MEIS1: variants seen among roughly 807,000 people sequenced by gnomAD.
MEIS1 encodes homeobox protein Meis1.
Under a neutral mutation model 50.8 loss-of-function variants are expected in MEIS1, and 5 were observed. The observed-to-expected ratio is 0.10, with a 90% CI of 0.05 to 0.21. The LOEUF is 0.21. MEIS1 is among the 10% of genes least tolerant of loss of function. MEIS1 has a pLI of 1.00. For missense variants in MEIS1, 318 were observed against 517.3 expected (o/e 0.61, Z 3.74); for synonymous variants, 176 against 179.3 (o/e 0.98, Z 0.15).
intron 7 of MEIS1, among the ~76,000 whole-genome samples, chr2:66,511,644 T>A: frequency 6.6e-6 from 1 of 152,216 alleles, no homozygotes; most frequent in East Asian, 1.9e-4. Flanking sequence ...ACTGCTTATA[T>A]GATGGATTAC....
intron 9 of MEIS1, among the ~76,000 whole-genome samples, chr2:66,552,995 A>G (rs530368363): frequency 6.6e-6 from 1 of 152,324 alleles, no homozygotes; most frequent in South Asian, 2.1e-4. Context: ...TGTTTTGTCA[A>G]TAAAGTTAAA....
At chr2:66,536,560 C>T (rs1448085164) in intron 8 of MEIS1, among the ~76,000 whole-genome samples, 2 of 152,140 alleles carry the variant, frequency 1.3e-5, no homozygotes, top group Non-Finnish European at 2.9e-5. Context: ...TTGATAAATA[C>T]TGATTTTTTT....
chr2:66,520,226 G>A (rs1674079864), intron 8 of MEIS1, among the ~76,000 whole-genome samples: 1 of 151,938 alleles, frequency 6.6e-6, no homozygotes, highest in South Asian at 2.1e-4. Flanking sequence ...TGTAATCCCA[G>A]CACTTTGGGA....
At chr2:66,466,309 A>G (rs1672633732) in intron 7 of MEIS1, among the ~76,000 whole-genome samples, 1 of 152,210 alleles carries the variant, frequency 6.6e-6, no homozygotes. Flanking sequence ...ACTGTCATCA[A>G]ATAGAAACTT....
At chr2:66,526,870 A>G (rs1354194968) in intron 8 of MEIS1, among the ~76,000 whole-genome samples, 1 of 152,166 alleles carries the variant, frequency 6.6e-6, no homozygotes, top group African/African-American at 2.4e-5. Flanking sequence ...CAATTCATTT[A>G]CTTCTCTCAT....
intron 9 of MEIS1, among the ~76,000 whole-genome samples, chr2:66,554,075 C>T (rs1456986826): frequency 1.3e-5 from 2 of 152,200 alleles, no homozygotes; most frequent in Non-Finnish European, 2.9e-5. Context: ...TAGCTGGAAG[C>T]TGCAATCCAG....
intron 8 of MEIS1, among the ~76,000 whole-genome samples, chr2:66,513,694 G>A (rs1341980141): frequency 6.6e-6 from 1 of 152,088 alleles, no homozygotes; most frequent in Non-Finnish European, 1.5e-5. Flanking sequence ...TCAGGGCTTG[G>A]CTATGCTGGA....
chr2:66,538,442 G>A (rs1455765950), intron 8 of MEIS1, among the ~76,000 whole-genome samples: 1 of 152,162 alleles, frequency 6.6e-6, no homozygotes, highest in Non-Finnish European at 1.5e-5. Flanking sequence ...GCAAAATCTG[G>A]ACTAGGCACT....
intron 7 of MEIS1, among the ~76,000 whole-genome samples, chr2:66,481,008 A>C (rs747426315): frequency 4.0e-5 from 6 of 151,794 alleles, no homozygotes; most frequent in Non-Finnish European, 7.4e-5. Context: ...TTAAAAAAAA[A>C]AACAAAAAAA....
At chr2:66,438,472 G>A (rs1040127334) in intron 2 of MEIS1, among the ~76,000 whole-genome samples, 2 of 152,224 alleles carry the variant, frequency 1.3e-5, no homozygotes, top group Non-Finnish European at 2.9e-5. Context: ...AAGCAAGGGG[G>A]AACATGTTTT....
Position 66,560,394 on chromosome 2 carries a change from T to C in MEIS1, c.966-7059T>C, listed in dbSNP as rs557612131. On this transcript the variant is annotated intron_variant, in intron 9 of 12. Transcript: ENST00000272369. Reference sequence around the variant, plus strand: ...TGAGCTCAGGAGTTTGAGATCAGCCTGGGCAACATAGTGAAACCTTGTCTC... The same window carrying C: ...TGAGCTCAGGAGTTTGAGATCAGCCCGGGCAACATAGTGAAACCTTGTCTC... Among the ~76,000 whole-genome samples the C allele has an allele frequency of 2.0e-5, 3 of 151,760 alleles. No individual in the cohort carries two copies. In the South Asian group the frequency reaches 6.2e-4, roughly 32 times the overall value.
intron 7 of MEIS1, among the ~76,000 whole-genome samples, chr2:66,500,428 T>A (rs978127288): frequency 6.6e-6 from 1 of 152,178 alleles, no homozygotes; most frequent in Non-Finnish European, 1.5e-5. Context: ...TTTATTTATT[T>A]ATTTATTTTT....
chr2:66,456,522 G>T lies in MEIS1; in HGVS notation c.631-7587G>T, dbSNP rs1255946433. On this transcript the variant is annotated intron_variant, in intron 6 of 12. Transcript: ENST00000272369. The stretch of plus-strand genomic sequence containing the variant: ...GGTGAAAGCCACAGATTCTGAAGAG[G>T]GATGCTGGATTTCCATTGTCTTACC... Among the ~76,000 whole-genome samples, 3 of 152,154 alleles carry T rather than the reference G, an allele frequency of 2.0e-5. No homozygotes were observed. The East Asian group carries it at 5.8e-4, about 29-fold the overall frequency.
intron 9 of MEIS1, among the ~76,000 whole-genome samples, chr2:66,565,480 A>G (rs1675324931): frequency 6.6e-6 from 1 of 152,280 alleles, no homozygotes; most frequent in African/African-American, 2.4e-5. Flanking sequence ...GATGAGTGGC[A>G]CTATAGTTGC....
chr2:66,534,534 A>T (rs1393685624), intron 8 of MEIS1, among the ~76,000 whole-genome samples: 3 of 121,918 alleles, frequency 2.5e-5, no homozygotes, highest in Non-Finnish European at 5.2e-5. Flanking sequence ...ACTCTGTCTT[A>T]AAAAAAAAAA....
chr2:66,470,037 T>C (rs1189064756), intron 7 of MEIS1, among the ~76,000 whole-genome samples: 1 of 152,228 alleles, frequency 6.6e-6, no homozygotes, highest in Non-Finnish European at 1.5e-5. Context: ...TTTTATTTTT[T>C]GTTGTTTCAT....
chr2:66,444,992 G>A (rs1329246533), intron 6 of MEIS1, among the ~76,000 whole-genome samples: 4 of 152,132 alleles, frequency 2.6e-5, no homozygotes, highest in African/African-American at 9.7e-5. Flanking sequence ...TTTTGGAGGG[G>A]GGAGAGAGAA....
At chr2:66,441,124 G>A (rs1293729273) in intron 4 of MEIS1, 2 of 417,854 alleles carry the variant, frequency 4.8e-6, no homozygotes, top group South Asian at 5.7e-5. Context: ...TGGCCCTTTT[G>A]GGGTGGGGTG....
intron 7 of MEIS1, among the ~76,000 whole-genome samples, chr2:66,483,929 T>G (rs1279291155): frequency 1.3e-5 from 2 of 152,208 alleles, no homozygotes; most frequent in East Asian, 3.9e-4. Context: ...TCTCATCTGG[T>G]CACAATAACC....
Sources: allele counts gnomAD v4.1 joint callset (sites outside exome capture counted in the v4.1 genomes callset), GRCh38; gene constraint gnomAD v4.1.1; transcripts MANE v1.5; gene names NCBI Gene and HGNC (gene_info 2026-07-23, HGNC 2026-07-21).